The following DSN1 variants were observed in gnomAD, a reference collection of about 807,000 sequenced individuals.
DSN1 encodes the protein kinetochore-associated protein DSN1 homolog.
DSN1 carries 31 observed loss-of-function variants against 45.7 expected under a neutral mutation model. That is an observed-to-expected ratio of 0.68 (90% confidence interval 0.51 to 0.92). The LOEUF (loss-of-function observed/expected upper bound fraction) is 0.92. Ranked by LOEUF, DSN1 falls within the 40% of genes least tolerant of loss-of-function variation. The pLI, the probability that DSN1 is intolerant of heterozygous loss-of-function variation, is 0.00. For missense variants in DSN1, 394 were observed against 414.2 expected (o/e 0.95, Z 0.42); for synonymous variants, 134 against 142.3 (o/e 0.94, Z 0.41).
chr20:36,756,270 G>A (rs910454108), intron 8 of DSN1, among the ~76,000 whole-genome samples: 2 of 152,138 alleles, frequency 1.3e-5, no homozygotes, highest in African/African-American at 4.8e-5. Flanking sequence ...GTGAGCCACC[G>A]CGCCTGGCCT....
intron 2 of DSN1, 48 bp downstream of exon 2, chr20:36,771,376 GA>G (rs1417912409): frequency 6.3e-7 from 1 of 1,590,718 alleles, no homozygotes. Context: ...GTATAGCTCA[GA>G]AGCCTGAACC....
intron 6 of DSN1, among the ~76,000 whole-genome samples, chr20:36,759,865 C>A (rs1252226811): frequency 6.6e-6 from 1 of 152,104 alleles, no homozygotes; most frequent in East Asian, 1.9e-4. Flanking sequence ...TATTCTGTTT[C>A]TCTTATCAAT....
chr20:36,760,107 G>A lies in DSN1; in HGVS notation c.591-1490C>T, dbSNP rs113617004. ...AAAAATACAAAAATTAGCCAGGCAT[G>A]GTGGCACACACCTGTAATCCCAGCT... is the stretch of plus-strand genomic sequence containing the variant. On this transcript the variant is annotated intron_variant, in intron 6 of 10. Transcript: ENST00000373750. Among the ~76,000 whole-genome samples the A allele has an allele frequency of 2.8e-4, 42 of 152,012 alleles. 1 individual carries two copies. Among genetic ancestry groups the A allele is most frequent in the African/African-American group, 8.7e-4 (36 of 41,484 alleles).
intron 5 of DSN1, among the ~76,000 whole-genome samples, chr20:36,763,488 T>G (rs2148272793): frequency 6.9e-6 from 1 of 144,854 alleles, no homozygotes; most frequent in African/African-American, 2.6e-5. Context: ...AATAAAAAAT[T>G]ATGGGCATAG....
In DSN1 at chr20:36,771,430, A is replaced by G. The variant is rs41307191; in HGVS notation, c.29T>C (p.Ile10Thr). 41 of 1,613,808 alleles carry G rather than the reference A, an allele frequency of 2.5e-5. No homozygotes were observed. The highest frequency in any genetic ancestry group is 4.5e-5 in the East Asian group (2 of 44,882). The stretch of plus-strand genomic sequence containing the variant: ...AATTTCACTACAATACTTACCATCT[A>G]TGATCTCTGATCTAGTCACTGAAGT... MTSVTRSEIIDEKGPVMSKT... is the reference protein window; with the variant it reads MTSVTRSEITDEKGPVMSKT... Residue 10 changes from isoleucine (I) to threonine (T), a missense_variant, in exon 2 of 11, where the codon ATA becomes ACA. By Grantham distance (89) the Ile-to-Thr change is moderately conservative. Coordinates refer to ENST00000373750, the MANE Select transcript of DSN1 (RefSeq NM_001145315.2).
Position 36,752,702 on chromosome 20 carries a change from A to T in DSN1, c.*86T>A. ...CTGCCAGTTATCTTCAAAGGCAACG[A>T]GCAGAAATCACGCAGTCACCACGTG... On this transcript the variant is annotated 3_prime_UTR_variant, in exon 11 of 11. Transcript: ENST00000373750. 1 of 1,079,480 alleles carries T rather than the reference A, an allele frequency of 9.3e-7. No individual in the cohort carries two copies. The highest frequency in any genetic ancestry group is 1.4e-6 in the Non-Finnish European group (1 of 706,540). The allele number at this position is 1,079,480 out of a possible 1,614,324, so 66.9% of individuals were successfully genotyped here. A position where few individuals can be genotyped will look rare whatever the true frequency, so the allele number is the denominator to read the frequency against.
Position 36,771,427 on chromosome 20 carries a change from T to G in DSN1, c.32A>C (p.Asp11Ala), listed in dbSNP as rs1323792880. Residue 11 changes from aspartate to alanine, a missense_variant and splice_region_variant, in exon 2 of 11, where the codon GAT (aspartate) becomes GCT (alanine). Physicochemically the swap from Asp to Ala is moderately radical, Grantham distance 126. Coordinates refer to ENST00000373750, the MANE Select transcript of DSN1 (RefSeq NM_001145315.2). ...CTGAATTTCACTACAATACTTACCA[T>G]CTATGATCTCTGATCTAGTCACTGA... Reference protein sequence around the residue: MTSVTRSEIIDEKGPVMSKTH... With the variant: MTSVTRSEIIAEKGPVMSKTH... 4 of 1,613,642 alleles carry G rather than the reference T, an allele frequency of 2.5e-6. No homozygotes were observed. Among genetic ancestry groups the G allele is most frequent in the Non-Finnish European group, 3.4e-6 (4 of 1,179,700 alleles).
chr20:36,770,736 G>A, intron 3 of DSN1, 137 bp downstream of exon 3: 1 of 943,920 alleles, frequency 1.1e-6, no homozygotes, highest in South Asian at 1.7e-5. Flanking sequence ...CTAGGTGTTT[G>A]ACATCAGTAC....
At chr20:36,769,428 G>A (rs1473072715) in intron 3 of DSN1, among the ~76,000 whole-genome samples, 1 of 152,218 alleles carries the variant, frequency 6.6e-6, no homozygotes, top group Non-Finnish European at 1.5e-5. Context: ...TTCTGTTTAA[G>A]TCTAAATACT....
chr20:36,765,863 A>C (rs1260096601), intron 5 of DSN1, among the ~76,000 whole-genome samples: 1 of 148,692 alleles, frequency 6.7e-6, no homozygotes, highest in Non-Finnish European at 1.5e-5. Flanking sequence ...AAAAAAAAAA[A>C]CAAAAAACAA....
chr20:36,761,983 T>C (rs1987007971), intron 6 of DSN1, among the ~76,000 whole-genome samples: 1 of 151,648 alleles, frequency 6.6e-6, no homozygotes, highest in Non-Finnish European at 1.5e-5. Flanking sequence ...CACTCCAGCC[T>C]GGGGTACAGA....
intron 8 of DSN1, 110 bp downstream of exon 8, chr20:36,757,977 T>C (rs977782958): frequency 6.3e-5 from 65 of 1,029,124 alleles, no homozygotes; most frequent in South Asian, 1.4e-4. Context: ...GATGAGCTTA[T>C]TGGCCCGTGA....
At chr20:36,752,942 G>GTA (rs772218833) in intron 10 of DSN1, 45 bp from the exon 11 acceptor site, 2 of 1,495,400 alleles carry the variant, frequency 1.3e-6, no homozygotes, top group Non-Finnish European at 1.9e-6. Flanking sequence ...TTGAAATAAC[G>GTA]TAACATTTAT....
chr20:36,761,583 C>T (rs11696921), intron 6 of DSN1, among the ~76,000 whole-genome samples: 11 of 151,524 alleles, frequency 7.3e-5, no homozygotes, highest in African/African-American at 2.7e-4. Context: ...AAAAATAGGC[C>T]GGCGCGGTGG....
chr20:36,772,438 G>A (rs1987702488), intron 1 of DSN1, among the ~76,000 whole-genome samples: 1 of 150,418 alleles, frequency 6.6e-6, no homozygotes, highest in South Asian at 2.1e-4. Flanking sequence ...ACAGGTGCCT[G>A]CCACCACACC....
In DSN1 at chr20:36,752,867, G is replaced by A; in HGVS notation, c.992C>T (p.Ser331Leu). 1 of 1,614,184 alleles carries A rather than the reference G, an allele frequency of 6.2e-7. No homozygotes were observed. Among genetic ancestry groups the A allele is most frequent in the Non-Finnish European group, 8.5e-7 (1 of 1,180,026 alleles). The stretch of plus-strand genomic sequence containing the variant: ...AAGCTTCAACAGTTTTCGAGCTGGT[G>A]AGGGATCTAATTGTTGCATGCTTCT... ...GKRSMQQLDPSPARKLLKLQL... is the reference protein window; with the variant it reads ...GKRSMQQLDPLPARKLLKLQL... The change falls in exon 11 of 11, where the codon TCA (serine) becomes TTA (leucine). Residue 331 changes from serine (S) to leucine (L), a missense_variant. Coordinates refer to ENST00000373750, the MANE Select transcript of DSN1 (RefSeq NM_001145315.2).
intron 5 of DSN1, among the ~76,000 whole-genome samples, chr20:36,764,541 T>C (rs1474157545): frequency 1.3e-5 from 2 of 152,220 alleles, no homozygotes; most frequent in Non-Finnish European, 2.9e-5. Flanking sequence ...ATTAGTATTT[T>C]ATTTCACAGA....
intron 6 of DSN1, among the ~76,000 whole-genome samples, chr20:36,759,519 T>C (rs971451241): frequency 1.4e-4 from 22 of 152,134 alleles, no homozygotes; most frequent in African/African-American, 5.3e-4. Context: ...AGTCTCACTC[T>C]GTCACCCAGG....
chr20:36,762,984 G>A (rs957218736), intron 5 of DSN1, among the ~76,000 whole-genome samples: 7 of 152,284 alleles, frequency 4.6e-5, no homozygotes, highest in African/African-American at 1.4e-4. Flanking sequence ...CAGTTCCTTG[G>A]CTCCAGCGAT....
Sources: gnomAD v4.1 joint callset for allele counts (sites outside exome capture counted in the v4.1 genomes callset) on GRCh38, gnomAD v4.1.1 for gene constraint, MANE v1.5 for transcripts, NCBI Gene and HGNC (gene_info 2026-07-23, HGNC 2026-07-21) for gene names.